The following URB1 variants were observed in gnomAD, a reference collection of about 807,000 sequenced individuals.
The protein encoded by URB1 is URB1 ribosome biogenesis factor.
A neutral mutation model predicts 242.3 loss-of-function variants in URB1; 197 were observed. The ratio of observed to expected loss-of-function variants is 0.81; its 90% CI spans 0.72 to 0.91. URB1 has a LOEUF of 0.91. Ranked by LOEUF, URB1 falls within the 40% of genes least tolerant of loss-of-function variation. The pLI is 0.00. For synonymous variants in URB1, 1,153 were observed against 1,201.8 expected, an observed-to-expected ratio of 0.96 and a Z score of 0.84; for missense variants, 2,721 against 2,860.5, an observed-to-expected ratio of 0.95 and a Z score of 1.11.
Position 32,363,151 on chromosome 21 carries a change from C to G in URB1, c.1509+5G>C. On this transcript the variant is annotated splice_donor_5th_base_variant and intron_variant, in intron 11 of 38. Transcript: ENST00000382751. ...AGGAAAGCCCAAACCCAGATCAGAG[C>G]CTACCTTGCTCAGGGCTTCTCTGAA... The G allele has an allele frequency of 6.4e-7, 1 of 1,550,594 alleles. No individual in the cohort carries two copies. Among genetic ancestry groups the G allele is most frequent in the Non-Finnish European group, 8.7e-7 (1 of 1,146,616 alleles).
rs563391048 is a variant in URB1, at chr21:32,352,763, G to A, written c.2560C>T (p.Arg854Trp). 2.1e-5 allele frequency: 33 copies of A among 1,551,666 alleles called. No individual in the cohort carries two copies. The highest frequency in any genetic ancestry group is 1.7e-4 in the Middle Eastern group (1 of 5,986). ...CLVPCCQQLS[R>W]FNRYYSLWIP... ...CAGAGGCTGTAGTATCTGTTAAACC[G>A]TGAGAGCTGCTGGCAGCAAGGCACC... Residue 854 changes from arginine (R) to tryptophan (W), a missense_variant, in exon 19 of 39, where the codon CGG becomes TGG. Physicochemically the swap from Arg to Trp is moderately radical, Grantham distance 101. Transcript: ENST00000382751.
intron 10 of URB1, among the ~76,000 whole-genome samples, chr21:32,366,016 C>T (rs1472778681): frequency 6.6e-6 from 1 of 152,194 alleles, no homozygotes; most frequent in African/African-American, 2.4e-5. Context: ...CATGATGCTG[C>T]GGTGAAAGAC....
rs2032644159 is a variant in URB1, at chr21:32,314,367, T to A, written c.*551A>T. ...GCCTGGCTAATTTTTGTATTTTTAG[T>A]AGAGATGGGGTTTCACCATGTTGGG... On this transcript the variant is annotated 3_prime_UTR_variant, in exon 39 of 39. Coordinates refer to ENST00000382751, the MANE Select transcript of URB1 (RefSeq NM_014825.3). 2 of 534,368 alleles carry A rather than the reference T, an allele frequency of 3.7e-6. No homozygotes were observed. Among genetic ancestry groups the A allele is most frequent in the Non-Finnish European group, 6.9e-6 (2 of 288,360 alleles). 33.1% of individuals were successfully genotyped at this position (534,368 alleles called of 1,614,324 possible). A position where few individuals can be genotyped will look rare whatever the true frequency, so the allele number is the denominator to read the frequency against.
chr21:32,319,376 A>G lies in URB1; in HGVS notation c.5633T>C (p.Leu1878Ser). 1.9e-6 allele frequency: 3 copies of G among 1,546,452 alleles called. No homozygotes were observed. Among genetic ancestry groups the G allele is most frequent in the Non-Finnish European group, 2.6e-6 (3 of 1,145,302 alleles). ...GTTGGTCACCCACAGTGTGTGTAGC[A>G]AGGAGATCACATTAGACAGCAGCGG... Reference protein sequence around the residue: ...ETPLLSNVISLLHTLWVTNLG... With the variant: ...ETPLLSNVISSLHTLWVTNLG... Residue 1878 changes from leucine to serine, a missense_variant, in exon 36 of 39, where the codon TTG becomes TCG. Transcript: ENST00000382751.
At position 32,317,752 on chromosome 21, in the gene URB1, G is replaced by C. The variant is rs1348980165; in HGVS notation, c.5958C>G (p.Ser1986Arg). Residue 1986 changes from serine to arginine, a missense_variant, in exon 37 of 39, where the codon AGC (serine) becomes AGG (arginine). Ser to Arg is a moderately radical substitution (Grantham distance 110). Transcript: ENST00000382751. ...GGAGCTTGAGGTCTCTTTCAATGAG[G>C]CTCCACTTGTGCAAGAGGACAAGGA... The part of the protein sequence containing the change: ...KDVLVLLHKW[S>R]LIERDLKLQE... The C allele has an allele frequency of 2.6e-6, 4 of 1,551,874 alleles. No homozygotes were observed. The South Asian group carries it at 3.6e-5, about 14-fold the overall frequency.
At chr21:32,323,751 T>C (rs1164794699) in intron 32 of URB1, among the ~76,000 whole-genome samples, 2 of 152,034 alleles carry the variant, frequency 1.3e-5, no homozygotes, top group African/African-American at 4.8e-5. Context: ...AGCAGGAGGA[T>C]CGCTTGAGCC....
At chr21:32,342,272 T>C (rs1056412228) in intron 24 of URB1, among the ~76,000 whole-genome samples, 1 of 151,924 alleles carries the variant, frequency 6.6e-6, no homozygotes, top group South Asian at 2.1e-4. Flanking sequence ...GGACACAGGG[T>C]TGGATGACAT....
rs2032779392 is a variant in URB1, at chr21:32,322,494, T to C, written c.5324A>G (p.Tyr1775Cys). 1.3e-6 allele frequency: 2 copies of C among 1,552,370 alleles called. No individual in the cohort carries two copies. The highest frequency in any genetic ancestry group is 1.4e-5 in the African/African-American group (1 of 73,186). ...DKVPGFYQFF[Y>C]SSDFEQKTEQ... is the part of the protein sequence containing the mutation. ...GAAGCATACCTCAAAGTCGGAGCTGTAGAAGAACTGGTAGAAGCCTGGCAC... is the reference window on the plus strand; with the variant it reads ...GAAGCATACCTCAAAGTCGGAGCTGCAGAAGAACTGGTAGAAGCCTGGCAC... The change falls in exon 33 of 39, where the codon TAC (tyrosine) becomes TGC (cysteine). Residue 1775 changes from tyrosine to cysteine, a missense_variant. Transcript: ENST00000382751.
chr21:32,350,903 C>A lies in URB1; in HGVS notation c.2633G>T (p.Ser878Ile), dbSNP rs1237555709. 12 of 1,547,462 alleles carry A rather than the reference C, an allele frequency of 7.8e-6. No homozygotes were observed. In the East Asian group the frequency reaches 2.9e-4, roughly 38 times the overall value. The change falls in exon 20 of 39, where the codon AGC (serine) becomes ATC (isoleucine). Residue 878 changes from serine to isoleucine, a missense_variant. Ser to Ile is a moderately radical substitution (Grantham distance 142). Transcript: ENST00000382751. ...CAAGGGAAGGGCAGGGGGCGAGGGGCTGCCCTGTGCCTGCAGCAGCTGAGG... is the reference window on the plus strand; with the variant it reads ...CAAGGGAAGGGCAGGGGGCGAGGGGATGCCCTGTGCCTGCAGCAGCTGAGG... Reference protein sequence around the residue: ...REAWLLQAQGSPSPPALPLAS... With the variant: ...REAWLLQAQGIPSPPALPLAS...
At chr21:32,316,388 A>T in intron 38 of URB1, 78 bp downstream of exon 38, 1 of 1,447,220 alleles carries the variant, frequency 6.9e-7, no homozygotes. Context: ...TGAGTGTTCT[A>T]AGCACAGAAA....
At chr21:32,381,316 T>C (rs1381744561) in intron 4 of URB1, among the ~76,000 whole-genome samples, 3 of 152,178 alleles carry the variant, frequency 2.0e-5, no homozygotes, top group Admixed American at 6.5e-5. Context: ...AAAACTGCTC[T>C]TTGGCACAGG....
At chr21:32,384,591 AC>A in intron 2 of URB1, 127 bp from the exon 3 acceptor site, 1 of 1,248,680 alleles carries the variant, frequency 8.0e-7, no homozygotes, top group Non-Finnish European at 1.1e-6. Context: ...GATGACGCCC[AC>A]CCAGATCCTG....
At chr21:32,340,667 T>C (rs373401591) in intron 25 of URB1, among the ~76,000 whole-genome samples, 2 of 152,170 alleles carry the variant, frequency 1.3e-5, no homozygotes, top group Admixed American at 6.5e-5. Flanking sequence ...TTTGAGCATC[T>C]AGAACTGAAG....
In URB1 at chr21:32,341,536, A is replaced by G. The variant is rs1181866501; in HGVS notation, c.4258-12T>C. The G allele has an allele frequency of 1.2e-5, 19 of 1,550,882 alleles. No individual in the cohort carries two copies. Among genetic ancestry groups the G allele is most frequent in the Non-Finnish European group, 1.6e-5 (18 of 1,146,808 alleles). On this transcript the variant is annotated splice_polypyrimidine_tract_variant and intron_variant, in intron 24 of 38. Transcript: ENST00000382751. ...TCATTAAGTGCATGCTATGAATAAA[A>G]TAAGTAAGAAAAACACATGAAACAT... is the stretch of plus-strand genomic sequence containing the variant.
chr21:32,357,357 C>T (rs2033233815), intron 15 of URB1, among the ~76,000 whole-genome samples, 180 bp downstream of exon 15: 1 of 151,806 alleles, frequency 6.6e-6, no homozygotes. Context: ...ACCAGGCTGC[C>T]TCCCAGGAAT....
Position 32,347,636 on chromosome 21 carries a change from A to T in URB1, c.3188T>A (p.Leu1063His). ...AAGGCCCAGCTGCCCAATGTTCTGG[A>T]GGATCGGGGCACTTGCTGCCAGCAG... is the stretch of plus-strand genomic sequence containing the variant. Reference protein sequence around the residue: ...LQLLAASAPILQNIGQLGLLA... With the variant: ...LQLLAASAPIHQNIGQLGLLA... The change falls in exon 22 of 39, where the codon CTC becomes CAC. Residue 1063 changes from leucine to histidine, a missense_variant. Coordinates refer to ENST00000382751, the MANE Select transcript of URB1 (RefSeq NM_014825.3). The T allele has an allele frequency of 6.4e-7, 1 of 1,551,624 alleles. No homozygotes were observed. The highest frequency in any genetic ancestry group is 1.2e-5 in the South Asian group (1 of 84,060).
intron 10 of URB1, among the ~76,000 whole-genome samples, chr21:32,366,236 T>C (rs1321870923): frequency 6.6e-6 from 1 of 152,238 alleles, no homozygotes; most frequent in African/African-American, 2.4e-5. Flanking sequence ...ATTTCAGTCC[T>C]ACCATGTCTG....
chr21:32,319,636 G>A (rs981401644), intron 35 of URB1, among the ~76,000 whole-genome samples: 1 of 152,162 alleles, frequency 6.6e-6, no homozygotes, highest in Non-Finnish European at 1.5e-5. Context: ...GAGCCGCTGG[G>A]GCACACTAAT....
intron 25 of URB1, among the ~76,000 whole-genome samples, chr21:32,339,218 T>A (rs1260200932): frequency 6.6e-6 from 1 of 152,200 alleles, no homozygotes; most frequent in Non-Finnish European, 1.5e-5. Flanking sequence ...GGGCTTGAAT[T>A]CCTGACCTCA....
Sources: gnomAD v4.1 joint callset for allele counts (sites outside exome capture counted in the v4.1 genomes callset) on GRCh38, gnomAD v4.1.1 for gene constraint, MANE v1.5 for transcripts, NCBI Gene and HGNC (gene_info 2026-07-23, HGNC 2026-07-21) for gene names.